Variants in RAD51B observed in about 807,000 individuals in gnomAD.
RAD51B encodes the protein RAD51 paralog B, also known as DNA repair protein RAD51 homolog 2.
Under a neutral mutation model 42.2 loss-of-function variants are expected in RAD51B, and 38 were observed. The ratio of observed to expected loss-of-function variants is 0.90; its 90% confidence interval spans 0.70 to 1.18. The LOEUF is 1.18. Ranked by LOEUF, RAD51B falls within the 50% of genes most tolerant of loss-of-function variation. RAD51B has a pLI of 0.00. For synonymous variants in RAD51B, 154 were observed against 145.2 expected, an observed-to-expected ratio of 1.06 and a Z score of -0.43; for missense variants, 373 against 400.7, an observed-to-expected ratio of 0.93 and a Z score of 0.59.
intron 7 of RAD51B, among the ~76,000 whole-genome samples, chr14:68,266,237 T>C (rs1345609559): frequency 2.6e-5 from 4 of 152,230 alleles, no homozygotes; most frequent in Admixed American, 2.0e-4. Flanking sequence ...AACAAATTTA[T>C]TTAACAGAGT....
At chr14:68,250,638 TG>T (rs2080607544) in intron 7 of RAD51B, among the ~76,000 whole-genome samples, 1 of 152,206 alleles carries the variant, frequency 6.6e-6, no homozygotes, top group South Asian at 2.1e-4. Flanking sequence ...CTAAATCCCC[TG>T]GGAACAGGCC....
intron 9 of RAD51B, among the ~76,000 whole-genome samples, chr14:68,436,064 C>T (rs1053398127): frequency 1.3e-5 from 2 of 152,104 alleles, no homozygotes; most frequent in African/African-American, 4.8e-5. Flanking sequence ...GTTCCATTTG[C>T]TTTTGAGGGC....
chr14:68,068,463 CA>C (rs1464253015), intron 7 of RAD51B, among the ~76,000 whole-genome samples: 2 of 152,092 alleles, frequency 1.3e-5, no homozygotes, highest in Non-Finnish European at 2.9e-5. Context: ...ACTTCACTGC[CA>C]AATAATATTC....
chr14:68,565,849 C>T lies in RAD51B; in HGVS notation c.1037-28636C>T, dbSNP rs1320733490. ...CTCACTCCATCCAGTTCTCCCAGTG[C>T]AACTGGGGAGGGTATCTGGATCTTT... On this transcript the variant is annotated intron_variant, in intron 10 of 10. Coordinates refer to the RAD51B transcript ENST00000487270. The surrounding 1 kb of genome is among the most constrained non-coding windows in gnomAD (Gnocchi z 4.1). Among the ~76,000 whole-genome samples the T allele has an allele frequency of 1.3e-5, 2 of 152,186 alleles. No individual in the cohort carries two copies. The highest frequency in any genetic ancestry group is 2.4e-5 in the African/African-American group (1 of 41,438).
At chr14:68,227,610 C>G (rs1260454366) in intron 7 of RAD51B, among the ~76,000 whole-genome samples, 1 of 152,182 alleles carries the variant, frequency 6.6e-6, no homozygotes, top group Non-Finnish European at 1.5e-5. Context: ...TCCTCCTCAG[C>G]AATGGTCCCT....
intron 10 of RAD51B, among the ~76,000 whole-genome samples, chr14:68,533,339 G>A (rs530862366): frequency 1.3e-5 from 2 of 152,316 alleles, no homozygotes; most frequent in East Asian, 3.9e-4. Context: ...GATTTTTAAA[G>A]ATGGGAGATT....
intron 7 of RAD51B, among the ~76,000 whole-genome samples, chr14:68,039,032 A>G (rs926219901): frequency 6.6e-6 from 1 of 152,304 alleles, no homozygotes; most frequent in South Asian, 2.1e-4. Context: ...TATTAACACC[A>G]TGAAAATCAG....
At chr14:68,080,068 T>A (rs2076890578) in intron 7 of RAD51B, among the ~76,000 whole-genome samples, 1 of 152,158 alleles carries the variant, frequency 6.6e-6, no homozygotes, top group African/African-American at 2.4e-5. Flanking sequence ...ATGAGAAAAA[T>A]GGAGTATGAC....
chr14:67,920,407 T>C (rs1333672889), intron 7 of RAD51B, among the ~76,000 whole-genome samples: 1 of 152,182 alleles, frequency 6.6e-6, no homozygotes, highest in Non-Finnish European at 1.5e-5. Flanking sequence ...CTTTGCATTT[T>C]TTTCTTTTAT....
chr14:68,049,770 G>T (rs1016858592), intron 7 of RAD51B, among the ~76,000 whole-genome samples: 2 of 152,134 alleles, frequency 1.3e-5, no homozygotes, highest in African/African-American at 4.8e-5. Flanking sequence ...GCTGCTCACT[G>T]CCTTAATACC....
chr14:68,563,347 G>T lies in RAD51B; in HGVS notation c.1037-31138G>T, dbSNP rs1594976673. On this transcript the variant is annotated intron_variant, in intron 10 of 10. Coordinates refer to the RAD51B transcript ENST00000487270. ...TCCTTCTTCCCCTCCAGCTCAGCCT[G>T]CCAGGCCTTCCCAGTGATACTGCGA... is the stretch of plus-strand genomic sequence containing the variant. The T allele has an allele frequency of 3.0e-6, 3 of 985,384 alleles. No homozygotes were observed. The Admixed American group carries it at 1.8e-4, about 61-fold the overall frequency. The allele number at this position is 985,384 out of a possible 1,614,324, so 61.0% of individuals were successfully genotyped here. A position where few individuals can be genotyped will look rare whatever the true frequency, so the allele number is the denominator to read the frequency against.
At chr14:68,541,318 G>A (rs1887954331) in intron 10 of RAD51B, 2 of 985,448 alleles carry the variant, frequency 2.0e-6, no homozygotes, top group Non-Finnish European at 2.4e-6. Flanking sequence ...AGGAGAACTG[G>A]CTCTAACAGG....
rs60032578 is a variant in RAD51B, at chr14:67,847,326, C to CT, written c.315+12152dup. Among the ~76,000 whole-genome samples the CT allele has an allele frequency of 7.4e-3, 785 of 105,594 alleles. 6 individuals carry two copies. Among genetic ancestry groups the CT allele is most frequent in the Middle Eastern group, 0.015 (3 of 204 alleles). 69.3% of individuals were successfully genotyped at this position (105,594 alleles called of 152,430 possible). On this transcript the variant is annotated intron_variant, in intron 4 of 10. Transcript: ENST00000471583. ...CTGCTAGTTTTGGGGTTGGTTTGTT[C>CT]TTTTTTTTTTTTTTTTTTTTTTCTA...
rs146726085 is a variant in RAD51B, at chr14:68,365,621, A to G, written c.854-45803A>G. On this transcript the variant is annotated intron_variant, in intron 8 of 10. Transcript: ENST00000471583. ...GATTATTAACTTACCAGTGTGATCT[A>G]CAAGTTCTTTCTCCATGTTCTAAAA... Among the ~76,000 whole-genome samples the G allele has an allele frequency of 8.1e-4, 124 of 152,378 alleles. No individual in the cohort carries two copies. The East Asian group carries it at 0.019, about 23-fold the overall frequency.
At chr14:68,072,830 A>G (rs934669569) in intron 7 of RAD51B, among the ~76,000 whole-genome samples, 1 of 152,036 alleles carries the variant, frequency 6.6e-6, no homozygotes, top group African/African-American at 2.4e-5. Flanking sequence ...TTTCCATTTA[A>G]TTGTATGGTT....
chr14:67,948,931 C>CAA (rs59465805), intron 7 of RAD51B, among the ~76,000 whole-genome samples: 1,559 of 17,018 alleles, frequency 0.092, 391 homozygotes, highest in African/African-American at 0.15. Flanking sequence ...GACTCTGTCT[C>CAA]AAAAAAAAAA....
chr14:68,230,926 A>G (rs2080136731), intron 7 of RAD51B, among the ~76,000 whole-genome samples: 1 of 152,232 alleles, frequency 6.6e-6, no homozygotes, highest in Non-Finnish European at 1.5e-5. Flanking sequence ...GGTCAACATT[A>G]GGGCCAGTCA....
intron 7 of RAD51B, among the ~76,000 whole-genome samples, chr14:68,177,472 A>G (rs1047167803): frequency 6.6e-6 from 1 of 152,140 alleles, no homozygotes; most frequent in Non-Finnish European, 1.5e-5. Context: ...TTCAAGTTTA[A>G]CTAGATATCC....
At chr14:68,449,104 T>TATGG (rs1189482931) in intron 9 of RAD51B, among the ~76,000 whole-genome samples, 8 of 152,214 alleles carry the variant, frequency 5.3e-5, no homozygotes, top group African/African-American at 1.4e-4. Context: ...GTATTCATGG[T>TATGG]ATGGATATAC....
Sources: allele counts gnomAD v4.1 joint callset (sites outside exome capture counted in the v4.1 genomes callset), GRCh38; gene constraint gnomAD v4.1.1; non-coding constraint Gnocchi (gnomAD v3.1); transcripts MANE v1.5; gene names NCBI Gene and HGNC (gene_info 2026-07-23, HGNC 2026-07-21).